Variants in MTMR8 observed in about 807,000 individuals in gnomAD.
MTMR8 encodes the protein myotubularin related protein 8, also known as phosphatidylinositol-3,5-bisphosphate 3-phosphatase MTMR8.
A neutral mutation model predicts 39.3 loss-of-function variants in MTMR8; 65 were observed. The observed-to-expected ratio is 1.65, with a 90% CI of 1.35 to 2.03. The LOEUF is 2.03. Ranked by LOEUF, MTMR8 falls within the 30% of genes most tolerant of loss-of-function variation. The pLI is 0.00. For missense variants in MTMR8, 777 were observed against 538.9 expected, an observed-to-expected ratio of 1.44 and a Z score of -4.37; for synonymous variants, 245 against 185.2, an observed-to-expected ratio of 1.32 and a Z score of -2.62.
At chrX:64,351,783 G>A (rs1044985514) in intron 4 of MTMR8, among the ~76,000 whole-genome samples, 1 of 111,293 alleles carries the variant, frequency 9.0e-6, no homozygotes, top group Non-Finnish European at 1.9e-5. Context: ...TTTAGCATGG[G>A]AGAAAGATGA....
intron 12 of MTMR8, among the ~76,000 whole-genome samples, chrX:64,294,214 C>A (rs1403389485): frequency 8.9e-6 from 1 of 111,862 alleles, no homozygotes; most frequent in Non-Finnish European, 1.9e-5. Flanking sequence ...GATATCATCA[C>A]CTTAATGGAT....
At chrX:64,304,860 T>TCATATATATATATA (rs1213473988) in intron 12 of MTMR8, among the ~76,000 whole-genome samples, 1 of 28,564 alleles carries the variant, frequency 3.5e-5, no homozygotes, top group African/African-American at 7.1e-5. Flanking sequence ...GATCAAACAT[T>TCATATATATATATA]TATATATATA....
chrX:64,311,281 G>T (rs1356617512), intron 12 of MTMR8, among the ~76,000 whole-genome samples: 1 of 111,703 alleles, frequency 9.0e-6, no homozygotes, highest in Non-Finnish European at 1.9e-5. Context: ...ATGTCTGTTG[G>T]CTGCATAAAT....
intron 12 of MTMR8, among the ~76,000 whole-genome samples, chrX:64,320,817 C>G (rs1028025424): frequency 9.0e-6 from 1 of 111,534 alleles, no homozygotes; most frequent in African/African-American, 3.3e-5. Context: ...TCTACAGAAG[C>G]AGGACATGGC....
At chrX:64,306,109 GAA>G in intron 12 of MTMR8, 1 of 211,626 alleles carries the variant, frequency 4.7e-6, no homozygotes, top group South Asian at 8.2e-5. Context: ...CCCTATCACA[GAA>G]AAAAAAAATG....
chrX:64,290,244 C>T (rs947515016), intron 12 of MTMR8, among the ~76,000 whole-genome samples: 4 of 109,949 alleles, frequency 3.6e-5, no homozygotes, highest in Admixed American at 9.7e-5. Context: ...ATTTTAAGTG[C>T]ATTTTACTAC....
At chrX:64,331,812 C>T (rs1283664899) in intron 10 of MTMR8, 55 bp from the exon 11 acceptor site, 4 of 1,029,444 alleles carry the variant, frequency 3.9e-6, no homozygotes, top group African/African-American at 1.9e-5. Flanking sequence ...AAGGATTACA[C>T]TGTTGGGAAT....
intron 12 of MTMR8, among the ~76,000 whole-genome samples, chrX:64,312,092 G>C (rs1922323708): frequency 1.8e-5 from 2 of 111,006 alleles, no homozygotes; most frequent in Non-Finnish European, 3.8e-5. Flanking sequence ...AATTACCTTG[G>C]GCAGTATGGC....
intron 12 of MTMR8, among the ~76,000 whole-genome samples, chrX:64,274,729 A>G (rs1931834112): frequency 1.8e-5 from 2 of 112,440 alleles, no homozygotes; most frequent in Non-Finnish European, 3.8e-5. Context: ...TCTACCTTAA[A>G]GAAGAAATAA....
At chrX:64,374,773 C>A (rs746532752) in intron 1 of MTMR8, among the ~76,000 whole-genome samples, 9 of 110,513 alleles carry the variant, frequency 8.1e-5, no homozygotes, top group Non-Finnish European at 1.5e-4. Flanking sequence ...ATGAAATCAT[C>A]CAGGACTGCC....
At chrX:64,269,209 G>A (rs953275515) in intron 13 of MTMR8, among the ~76,000 whole-genome samples, 166 bp from the exon 14 acceptor site, 2 of 111,037 alleles carry the variant, frequency 1.8e-5, no homozygotes, top group Non-Finnish European at 3.8e-5. Context: ...ACATGTCATA[G>A]TACTTTAGAA....
intron 1 of MTMR8, among the ~76,000 whole-genome samples, chrX:64,360,906 A>T (rs1215098902): frequency 9.0e-6 from 1 of 111,477 alleles, no homozygotes; most frequent in Non-Finnish European, 1.9e-5. Context: ...AGAACAGAGA[A>T]ATAAGATGAT....
chrX:64,361,332 GT>G (rs1486924994), intron 1 of MTMR8, among the ~76,000 whole-genome samples: 3 of 110,992 alleles, frequency 2.7e-5, no homozygotes, highest in African/African-American at 9.8e-5. Flanking sequence ...AAGTTACTCA[GT>G]CCATTTTATG....
chrX:64,305,611 G>A (rs1046930887), intron 12 of MTMR8: 12 of 522,432 alleles, frequency 2.3e-5, no homozygotes, highest in Middle Eastern at 5.7e-4. Context: ...TGAACCACCC[G>A]GCGGCTGAGA....
At chrX:64,348,816 G>T (rs763560319) in intron 5 of MTMR8, 22 bp from the exon 6 acceptor site, 36 of 1,205,680 alleles carry the variant, frequency 3.0e-5, no homozygotes, top group Non-Finnish European at 3.9e-5. Flanking sequence ...AGGTGTGTCA[G>T]TTGAGTGATT....
intron 12 of MTMR8, among the ~76,000 whole-genome samples, chrX:64,297,531 T>C (rs1405981053): frequency 9.1e-5 from 8 of 87,818 alleles, no homozygotes; most frequent in Non-Finnish European, 1.6e-4. Context: ...TTTTGTAGGT[T>C]GCCTGTTCAC....
At position 64,359,516 on chromosome X, in the gene MTMR8, C is replaced by T; in HGVS notation, c.36G>A (p.Val12=). The T allele has an allele frequency of 8.3e-7, 1 of 1,198,362 alleles. No individual in the cohort carries two copies. The highest frequency in any genetic ancestry group is 1.7e-5 in the African/African-American group (1 of 57,384). The part of the protein sequence containing the change: ...DHITVPKVEN[V]KLVDRYVSKK... ...TACTCACATAACGATCCACCAATTT[C>T]ACGTTTTCTACCTGTTATTGGAGGA... The change falls in exon 2 of 14, where the codon GTG becomes GTA. Residue 12 remains valine (V), a synonymous_variant. Transcript: ENST00000374852.
At chrX:64,368,648 T>TA (rs1391462827) in intron 1 of MTMR8, among the ~76,000 whole-genome samples, 5 of 112,053 alleles carry the variant, frequency 4.5e-5, no homozygotes, top group Admixed American at 9.4e-5. Context: ...CCTAAAGCCA[T>TA]AAAAACCCTA....
intron 12 of MTMR8, among the ~76,000 whole-genome samples, chrX:64,314,556 G>A (rs1327361709): frequency 1.8e-5 from 2 of 113,168 alleles, no homozygotes; most frequent in African/African-American, 6.4e-5. Flanking sequence ...GGGCGGAACT[G>A]CCTGGCTTTG....
Sources: gnomAD v4.1 joint callset for allele counts (sites outside exome capture counted in the v4.1 genomes callset) on GRCh38, gnomAD v4.1.1 for gene constraint, MANE v1.5 for transcripts, NCBI Gene and HGNC (gene_info 2026-07-23, HGNC 2026-07-21) for gene names.